The following PHACTR1 variants were observed in gnomAD, a reference collection of about 807,000 sequenced individuals.
The protein encoded by PHACTR1 is phosphatase and actin regulator 1.
Under a neutral mutation model 69.2 loss-of-function variants are expected in PHACTR1, and 16 were observed. That is an observed-to-expected ratio of 0.23 (90% CI 0.16 to 0.35). The LOEUF (loss-of-function observed/expected upper bound fraction) is 0.35. Ranked by LOEUF, PHACTR1 falls within the 10% of genes least tolerant of loss-of-function variation. The probability of loss-of-function intolerance (pLI) is 1.00; values close to 1 mark genes in which losing one functional copy is unlikely to be tolerated. For missense variants in PHACTR1, 510 were observed against 734.7 expected, an observed-to-expected ratio of 0.69 and a Z score of 3.54; for synonymous variants, 312 against 284.5, an observed-to-expected ratio of 1.10 and a Z score of -0.97.
At chr6:13,146,267 G>A (rs560274433) in intron 5 of PHACTR1, among the ~76,000 whole-genome samples, 7 of 152,330 alleles carry the variant, frequency 4.6e-5, no homozygotes, top group African/African-American at 1.7e-4. Context: ...TGATAATGGG[G>A]AGAAATCAAG....
At chr6:13,199,778 A>C in intron 7 of PHACTR1, among the ~76,000 whole-genome samples, 1 of 151,840 alleles carries the variant, frequency 6.6e-6, no homozygotes, top group Non-Finnish European at 1.5e-5. Flanking sequence ...TATAGATAGA[A>C]ATAAAATAGA....
intron 8 of PHACTR1, among the ~76,000 whole-genome samples, chr6:13,214,697 G>T (rs1274276150): frequency 6.6e-6 from 1 of 152,206 alleles, no homozygotes; most frequent in Non-Finnish European, 1.5e-5. Flanking sequence ...AGACGGATTA[G>T]AGGAAGGAGT....
intron 13 of PHACTR1, among the ~76,000 whole-genome samples, chr6:13,285,332 G>A (rs1781437095): frequency 1.3e-5 from 2 of 152,268 alleles, no homozygotes; most frequent in East Asian, 1.9e-4. Flanking sequence ...TGATCCTACA[G>A]GAAGACTTTT....
At chr6:12,777,986 G>A (rs11753864) in intron 4 of PHACTR1, among the ~76,000 whole-genome samples, 55,757 of 151,950 alleles carry the variant, frequency 0.37, 10,962 homozygotes, top group African/African-American at 0.49. Flanking sequence ...ATATGAATGG[G>A]ATGACTTCTC....
intron 5 of PHACTR1, among the ~76,000 whole-genome samples, chr6:13,066,429 C>T (rs966706487): frequency 6.6e-6 from 1 of 152,094 alleles, no homozygotes; most frequent in Non-Finnish European, 1.5e-5. Flanking sequence ...GGAAGGTCCC[C>T]GAGTTTGAAG....
At chr6:13,058,815 C>T (rs1258120998) in intron 5 of PHACTR1, among the ~76,000 whole-genome samples, 1 of 152,022 alleles carries the variant, frequency 6.6e-6, no homozygotes, top group Admixed American at 6.6e-5. Flanking sequence ...TCTAGGAGAG[C>T]GAGAAAGACC....
chr6:13,201,145 C>A (rs1256626972), intron 7 of PHACTR1, among the ~76,000 whole-genome samples: 1 of 151,948 alleles, frequency 6.6e-6, no homozygotes, highest in African/African-American at 2.4e-5. Flanking sequence ...GAGGAGCCAT[C>A]CAGGAACTAG....
At chr6:12,782,490 G>C (rs1001099036) in intron 4 of PHACTR1, among the ~76,000 whole-genome samples, 1 of 152,150 alleles carries the variant, frequency 6.6e-6, no homozygotes, top group Non-Finnish European at 1.5e-5. Flanking sequence ...TGCAATACTG[G>C]GAATATGATT....
intron 4 of PHACTR1, among the ~76,000 whole-genome samples, chr6:13,041,339 TACACACACACACACACACACACAC>T (rs368368056): frequency 4.4e-5 from 6 of 135,366 alleles, no homozygotes; most frequent in Non-Finnish European, 6.2e-5. Context: ...TTAAAATACA[TACACACACACACACACACACACAC>T]ACACACACAC....
chr6:13,200,800 G>A (rs1158500266), intron 7 of PHACTR1, among the ~76,000 whole-genome samples: 1 of 151,740 alleles, frequency 6.6e-6, no homozygotes, highest in Non-Finnish European at 1.5e-5. Flanking sequence ...AATTAGCCAG[G>A]CATCATGGCG....
chr6:12,877,810 G>A lies in PHACTR1; in HGVS notation c.250+128020G>A, dbSNP rs560865399. On this transcript the variant is annotated intron_variant, in intron 4 of 14. Coordinates refer to ENST00000332995, the MANE Select transcript of PHACTR1 (RefSeq NM_030948.6). ...ACATAAGTTCTCAACTGCACTGTGC[G>A]CTCACCTTCATAACAGCAATTTAGG... Among the ~76,000 whole-genome samples the A allele has an allele frequency of 1.3e-4, 20 of 152,230 alleles. No homozygotes were observed. In the South Asian group the frequency reaches 2.1e-3, roughly 16 times the overall value.
intron 6 of PHACTR1, among the ~76,000 whole-genome samples, chr6:13,169,364 T>C (rs528253522): frequency 6.6e-6 from 1 of 152,270 alleles, no homozygotes; most frequent in East Asian, 1.9e-4. Flanking sequence ...AGATCTGGGC[T>C]GGGCTGGGCT....
intron 5 of PHACTR1, among the ~76,000 whole-genome samples, chr6:13,073,546 G>T (rs1234576388): frequency 6.6e-6 from 1 of 151,640 alleles, no homozygotes; most frequent in Non-Finnish European, 1.5e-5. Flanking sequence ...GTTTCACCAT[G>T]TTGTCCAGGC....
chr6:13,272,019 G>C (rs114133971), intron 10 of PHACTR1, among the ~76,000 whole-genome samples: 2,376 of 152,320 alleles, frequency 0.016, 73 homozygotes, highest in African/African-American at 0.052. Context: ...TGGGTGAAGT[G>C]GAATGCCGGA....
At chr6:12,884,947 G>C (rs6934634) in intron 4 of PHACTR1, among the ~76,000 whole-genome samples, 150,726 of 152,352 alleles carry the variant, frequency 0.99, 74,580 homozygotes, top group Middle Eastern at 1. Context: ...AAAGGAACCA[G>C]TGGAGTTTTC....
chr6:13,214,588 T>C (rs1767391610), intron 8 of PHACTR1, among the ~76,000 whole-genome samples: 1 of 152,162 alleles, frequency 6.6e-6, no homozygotes, highest in African/African-American at 2.4e-5. Flanking sequence ...TCCAGTGTCC[T>C]TAGACTAAAC....
chr6:13,073,881 T>A (rs1452863386), intron 5 of PHACTR1, among the ~76,000 whole-genome samples: 1 of 151,594 alleles, frequency 6.6e-6, no homozygotes, highest in South Asian at 2.1e-4. Context: ...TTTCTTTTTT[T>A]TTTTTTTCTG....
chr6:12,784,613 TATG>T (rs1421467842), intron 4 of PHACTR1, among the ~76,000 whole-genome samples: 8 of 152,020 alleles, frequency 5.3e-5, no homozygotes, highest in Admixed American at 3.9e-4. Context: ...TATACACATA[TATG>T]ATGATAAACA....
chr6:13,108,565 G>T (rs1004544717), intron 5 of PHACTR1, among the ~76,000 whole-genome samples: 4 of 151,862 alleles, frequency 2.6e-5, no homozygotes, highest in Admixed American at 1.3e-4. Context: ...TATTATATAT[G>T]TTGTCTTTAA....
Sources: allele counts gnomAD v4.1 joint callset (sites outside exome capture counted in the v4.1 genomes callset), GRCh38; gene constraint gnomAD v4.1.1; transcripts MANE v1.5; gene names NCBI Gene and HGNC (gene_info 2026-07-23, HGNC 2026-07-21).